Variants in PPP1R13L observed in about 807,000 individuals in gnomAD.
PPP1R13L encodes the protein protein phosphatase 1 regulatory subunit 13 like, also known as relA-associated inhibitor.
A neutral mutation model predicts 80.9 loss-of-function variants in PPP1R13L; 50 were observed. That is an observed-to-expected ratio of 0.62 (90% CI 0.49 to 0.78). PPP1R13L has a LOEUF of 0.78. PPP1R13L is among the 30% of genes least tolerant of loss of function. The pLI is 0.00. For synonymous variants in PPP1R13L, 602 were observed against 534.3 expected (o/e 1.13, Z -1.75); for missense variants, 1,200 against 1,205.9 (o/e 1.00, Z 0.07).
chr19:45,405,108 T>A (rs1054857951), upstream of PPP1R13L: 15 of 963,372 alleles, frequency 1.6e-5, no homozygotes, highest in Non-Finnish European at 6.2e-6. Flanking sequence ...CGACGTGACT[T>A]GGGCTGGAGG....
At position 45,392,344 on chromosome 19, in the gene PPP1R13L, G is replaced by A. The variant is rs1972994656; in HGVS notation, c.1355-4C>T. 1.9e-6 allele frequency: 3 copies of A among 1,613,010 alleles called. No individual in the cohort carries two copies. The highest frequency in any genetic ancestry group is 1.7e-6 in the Non-Finnish European group (2 of 1,179,930). Reference sequence around the variant, plus strand: ...TCGGTGGGGGGTTTGGGGGGTCCTAGCCGGAACAAGAGCCCATCAGAGGAC... The same window carrying A: ...TCGGTGGGGGGTTTGGGGGGTCCTAACCGGAACAAGAGCCCATCAGAGGAC... On this transcript the variant is annotated splice_region_variant and splice_polypyrimidine_tract_variant and intron_variant, in intron 7 of 12. Coordinates refer to ENST00000360957, the MANE Select transcript of PPP1R13L (RefSeq NM_006663.4).
intron 11 of PPP1R13L, among the ~76,000 whole-genome samples, chr19:45,383,505 G>A (rs981347924): frequency 5.4e-5 from 8 of 149,314 alleles, no homozygotes; most frequent in Non-Finnish European, 8.9e-5. Context: ...ATGTTGGTCA[G>A]GCTGGTATCA....
At chr19:45,403,804 C>T (rs951606431) in intron 1 of PPP1R13L, among the ~76,000 whole-genome samples, 33 of 152,262 alleles carry the variant, frequency 2.2e-4, no homozygotes, top group African/African-American at 7.9e-4. Flanking sequence ...CAGATGCTCG[C>T]CTCCCCCATT....
rs563032958 is a variant in PPP1R13L at position 45,397,028 on chromosome 19, C to A, written c.229G>T (p.Glu77Ter). ...PPRYSSSSIP[E>*]PFGSRGSPRK... ...GGGGACCCTCGGCTGCCGAAGGGCTCAGGGATCGAGCTGGAGCTGTACCGG... is the reference window on the plus strand; with the variant it reads ...GGGGACCCTCGGCTGCCGAAGGGCTAAGGGATCGAGCTGGAGCTGTACCGG... Residue 77 changes from glutamate (E) to a stop codon, truncating the protein, a stop_gained, in exon 4 of 13, where the codon GAG (glutamate) becomes TAG (stop). Coordinates refer to ENST00000360957, the MANE Select transcript of PPP1R13L (RefSeq NM_006663.4). LOFTEE classifies it high-confidence loss of function. 3 of 1,360,554 alleles carry A rather than the reference C, an allele frequency of 2.2e-6. No homozygotes were observed. Among genetic ancestry groups the A allele is most frequent in the Non-Finnish European group, 2.8e-6 (3 of 1,058,976 alleles). The allele number at this position is 1,360,554 out of a possible 1,614,324, so 84.3% of individuals were successfully genotyped here.
At chr19:45,398,381 C>T (rs1973160055) in intron 1 of PPP1R13L, 42 bp from the exon 2 acceptor site, 1 of 1,583,884 alleles carries the variant, frequency 6.3e-7, no homozygotes, top group Admixed American at 1.7e-5. Flanking sequence ...GACCCCGCCC[C>T]TCTAGACCCC....
chr19:45,386,382 A>G (rs1599764697), intron 8 of PPP1R13L, among the ~76,000 whole-genome samples: 1 of 152,188 alleles, frequency 6.6e-6, no homozygotes, highest in Non-Finnish European at 1.5e-5. Flanking sequence ...GAATCCTGTG[A>G]TTTGAGAATC....
intron 12 of PPP1R13L, among the ~76,000 whole-genome samples, chr19:45,382,221 G>A (rs1268578819): frequency 2.6e-5 from 4 of 151,608 alleles, no homozygotes; most frequent in Non-Finnish European, 5.9e-5. Context: ...GCGACAGAGC[G>A]AGACTCCGTT....
chr19:45,387,516 A>G (rs1264423206), intron 8 of PPP1R13L, among the ~76,000 whole-genome samples: 1 of 152,174 alleles, frequency 6.6e-6, no homozygotes, highest in African/African-American at 2.4e-5. Flanking sequence ...CAAAGATTCT[A>G]TGATGGAGAA....
rs540760703 is a variant in PPP1R13L at position 45,404,099 on chromosome 19, AAGG to A, written c.-22+897_-22+899del. The stretch of plus-strand genomic sequence containing the variant: ...CCCGTCCCCCAGAGAGCTGCAGAAG[AAGG>A]AGGAGGCAGAATCCTGACCCTACAA... On this transcript the variant is annotated intron_variant, in intron 1 of 12. Coordinates refer to ENST00000360957, the MANE Select transcript of PPP1R13L (RefSeq NM_006663.4). Among the ~76,000 whole-genome samples, 12 of 152,208 alleles carry A rather than the reference AAGG, an allele frequency of 7.9e-5. No individual in the cohort carries two copies. In the South Asian group the frequency reaches 2.5e-3, roughly 32 times the overall value.
chr19:45,384,243 G>A (rs1270136306), intron 11 of PPP1R13L, among the ~76,000 whole-genome samples: 3 of 151,432 alleles, frequency 2.0e-5, no homozygotes, highest in Non-Finnish European at 4.4e-5. Context: ...TTTGTAGGCC[G>A]GGCACAGTGG....
At chr19:45,381,206 C>T (rs1972756953) in intron 12 of PPP1R13L, among the ~76,000 whole-genome samples, 1 of 151,582 alleles carries the variant, frequency 6.6e-6, no homozygotes, top group African/African-American at 2.4e-5. Flanking sequence ...AGGCACCCGC[C>T]ACCACACCCG....
At position 45,385,735 on chromosome 19, in the gene PPP1R13L, G is replaced by T. The variant is rs202062845; in HGVS notation, c.2082-7C>A. Reference sequence around the variant, plus strand: ...CGCGCAGTGCAAGGGTGTCCTAGGCGTGGGGGTGGGGGGTTGCGGGGAACG... The same window carrying T: ...CGCGCAGTGCAAGGGTGTCCTAGGCTTGGGGGTGGGGGGTTGCGGGGAACG... On this transcript the variant is annotated splice_polypyrimidine_tract_variant and splice_region_variant and intron_variant, in intron 10 of 12. Transcript: ENST00000360957. 1.9e-6 allele frequency: 3 copies of T among 1,608,856 alleles called. No homozygotes were observed. The highest frequency in any genetic ancestry group is 4.5e-5 in the East Asian group (2 of 44,740).
Position 45,386,173 on chromosome 19 carries a change from C to A in PPP1R13L, c.1823G>T (p.Arg608Leu). ...PPEQPQSMEM[R>L]SVLRKAGSPR... is the part of the protein sequence containing the mutation. ...GGAGCCCGCCTTCCGCAGCACAGAG[C>A]GCATCTCCTGGGGGACAGGGCGCAG... The change falls in exon 9 of 13, where the codon CGC (arginine) becomes CTC (leucine). Residue 608 changes from arginine to leucine, a missense_variant. Transcript: ENST00000360957. 6.6e-7 allele frequency: 1 copy of A among 1,523,738 alleles called. No homozygotes were observed. Among genetic ancestry groups the A allele is most frequent in the Non-Finnish European group, 8.7e-7 (1 of 1,149,910 alleles). 94.4% of individuals were successfully genotyped at this position (1,523,738 alleles called of 1,614,324 possible).
At chr19:45,392,596 G>T in intron 7 of PPP1R13L, 1 of 591,216 alleles carries the variant, frequency 1.7e-6, no homozygotes, top group South Asian at 1.9e-5. Context: ...GCTTTGTGAG[G>T]TAGATACACT....
Position 45,380,144 on chromosome 19 carries a change from C to T in PPP1R13L, c.*46G>A, listed in dbSNP as rs1568551828. 6.2e-7 allele frequency: 1 copy of T among 1,606,114 alleles called. No individual in the cohort carries two copies. Among genetic ancestry groups the T allele is most frequent in the South Asian group, 1.1e-5 (1 of 90,832 alleles). On this transcript the variant is annotated 3_prime_UTR_variant, in exon 13 of 13. Transcript: ENST00000360957. ...CAGAGGGAGAGGTCTGGAGGGAAGG[C>T]AGGAATGCTTGTTTCTGTCAGCCTC...
rs925564099 is a variant in PPP1R13L at position 45,398,146 on chromosome 19, C to G, written c.57G>C (p.Ser19=). The stretch of plus-strand genomic sequence containing the variant: ...TCAGATCCATGTGTTTCATGGCCAG[C>G]GCTGGGAAGGTGGGAGTGGAGGTAA... ...ARDFLDMNFQ[S]LAMKHMDLKQ... Residue 19 remains serine (S), a splice_region_variant and synonymous_variant, in exon 3 of 13, where the codon TCG becomes TCC. Transcript: ENST00000360957. 6.2e-7 allele frequency: 1 copy of G among 1,613,694 alleles called. No homozygotes were observed. The highest frequency in any genetic ancestry group is 8.5e-7 in the Non-Finnish European group (1 of 1,179,692).
chr19:45,400,587 A>C (rs1973211810), intron 1 of PPP1R13L, among the ~76,000 whole-genome samples: 1 of 148,266 alleles, frequency 6.7e-6, no homozygotes, highest in South Asian at 2.1e-4. Flanking sequence ...AACATCAAAG[A>C]AGAAGGCAAA....
Position 45,386,076 on chromosome 19 carries a change from C to G in PPP1R13L, c.1920G>C (p.Leu640=). Residue 640 remains leucine, a synonymous_variant, in exon 9 of 13, where the codon CTG becomes CTC. Transcript: ENST00000360957. ...LLLDAALTGE[L]EVVQQAVKEM... ...CCTTCACCGCCTGCTGCACCACCTC[C>G]AGCTCCCCGGTCAGCGCCGCGTCCA... The G allele has an allele frequency of 1.3e-6, 2 of 1,583,406 alleles. No homozygotes were observed.
chr19:45,397,525 C>T (rs1235506422), intron 3 of PPP1R13L, among the ~76,000 whole-genome samples: 2 of 59,042 alleles, frequency 3.4e-5, no homozygotes, highest in African/African-American at 4.8e-5. Flanking sequence ...TTTTCTATCT[C>T]GGCTCATTGC....
Sources: allele counts gnomAD v4.1 joint callset (sites outside exome capture counted in the v4.1 genomes callset), GRCh38; gene constraint gnomAD v4.1.1; transcripts MANE v1.5; gene names NCBI Gene and HGNC (gene_info 2026-07-23, HGNC 2026-07-21).